The following ATP8B4 variants were observed in gnomAD, a reference collection of about 807,000 sequenced individuals.
The protein encoded by ATP8B4 is probable phospholipid-transporting ATPase IM.
ATP8B4 carries 133 observed loss-of-function variants against 145.6 expected under a neutral mutation model. That is an observed-to-expected ratio of 0.91 (90% confidence interval 0.79 to 1.05). ATP8B4 has a LOEUF of 1.05. ATP8B4 is among the 50% of genes least tolerant of loss of function. The pLI is 0.00. For synonymous variants in ATP8B4, 507 were observed against 492.9 expected (o/e 1.03, Z -0.38); for missense variants, 1,458 against 1,425.2 (o/e 1.02, Z -0.37).
intron 16 of ATP8B4, among the ~76,000 whole-genome samples, chr15:49,927,276 G>A (rs554053000): frequency 2.0e-4 from 30 of 151,996 alleles, no homozygotes; most frequent in African/African-American, 7.3e-4. Context: ...ATACATTGAT[G>A]ATTTAGTGAA....
intron 1 of ATP8B4, among the ~76,000 whole-genome samples, chr15:50,156,115 TATAA>T (rs2044412962): frequency 4.9e-5 from 1 of 20,570 alleles, no homozygotes; most frequent in Non-Finnish European, 1.0e-4. Flanking sequence ...TAAATATATA[TATAA>T]ATATATTTAT....
chr15:50,124,012 G>A (rs2057291346), upstream of ATP8B4, among the ~76,000 whole-genome samples: 1 of 152,132 alleles, frequency 6.6e-6, no homozygotes, highest in Admixed American at 6.6e-5. Flanking sequence ...GCAGGTGACA[G>A]GAGTACAGTA....
At chr15:49,883,776 A>AT (rs1025985420) in intron 23 of ATP8B4, among the ~76,000 whole-genome samples, 2 of 151,972 alleles carry the variant, frequency 1.3e-5, no homozygotes, top group African/African-American at 4.8e-5. Context: ...TGTACCCACA[A>AT]TTTTTTTAAA....
At chr15:49,932,887 A>C (rs1030081135) in intron 15 of ATP8B4, among the ~76,000 whole-genome samples, 3 of 152,040 alleles carry the variant, frequency 2.0e-5, no homozygotes, top group East Asian at 3.9e-4. Flanking sequence ...AACTTGCCTA[A>C]ATAGAACCCT....
intron 7 of ATP8B4, among the ~76,000 whole-genome samples, chr15:50,007,547 G>A (rs1599769048): frequency 2.0e-5 from 3 of 152,338 alleles, no homozygotes; most frequent in Admixed American, 2.0e-4. Context: ...CTAATGTGAG[G>A]ATTAAATGAG....
chr15:49,950,133 T>C (rs980715022), intron 14 of ATP8B4, among the ~76,000 whole-genome samples: 8 of 152,198 alleles, frequency 5.3e-5, no homozygotes, highest in Admixed American at 2.0e-4. Flanking sequence ...TTTTTTGTTG[T>C]GTCTCTTCCT....
chr15:49,980,866 A>T (rs1156544975), intron 11 of ATP8B4, among the ~76,000 whole-genome samples: 1 of 152,222 alleles, frequency 6.6e-6, no homozygotes, highest in African/African-American at 2.4e-5. Flanking sequence ...ACCATAAGCT[A>T]TGTATACAGG....
intron 3 of ATP8B4, among the ~76,000 whole-genome samples, chr15:50,072,797 T>C (rs2053828645): frequency 6.6e-6 from 1 of 150,838 alleles, no homozygotes; most frequent in East Asian, 2.0e-4. Flanking sequence ...AACTTTTGTA[T>C]TTTTAATAGA....
chr15:50,148,158 T>C (rs761444483), intron 1 of ATP8B4, among the ~76,000 whole-genome samples: 16 of 151,996 alleles, frequency 1.1e-4, no homozygotes, highest in African/African-American at 3.9e-4. Flanking sequence ...AATCTAATCA[T>C]GAGGAAACAT....
intron 8 of ATP8B4, among the ~76,000 whole-genome samples, chr15:49,998,914 G>T (rs1297012664): frequency 6.6e-6 from 1 of 152,016 alleles, no homozygotes; most frequent in Non-Finnish European, 1.5e-5. Flanking sequence ...ATTAATTTTT[G>T]TATAAGGTGT....
chr15:49,968,847 A>T (rs1380988680), intron 13 of ATP8B4, among the ~76,000 whole-genome samples: 1 of 152,230 alleles, frequency 6.6e-6, no homozygotes. Flanking sequence ...CATTGCATTT[A>T]TTCTAAACCT....
At chr15:49,902,255 G>A (rs1007849060) in intron 20 of ATP8B4, 2 of 152,180 alleles carry the variant, frequency 1.3e-5, no homozygotes, top group Non-Finnish European at 2.9e-5. Flanking sequence ...ACCAGAAAGT[G>A]AATATTGTGT....
At chr15:50,080,728 T>C (rs1035234630) in intron 2 of ATP8B4, among the ~76,000 whole-genome samples, 18 of 152,210 alleles carry the variant, frequency 1.2e-4, no homozygotes, top group Admixed American at 3.9e-4. Flanking sequence ...CCACCATGTC[T>C]GGCCCCCTGC....
chr15:50,017,939 A>G (rs2153577830), intron 6 of ATP8B4, among the ~76,000 whole-genome samples: 1 of 152,026 alleles, frequency 6.6e-6, no homozygotes, highest in East Asian at 1.9e-4. Context: ...AATGTTTATC[A>G]TCCCTAGTTC....
In ATP8B4 at chr15:50,047,435, A is replaced by G. The variant is rs768087794; in HGVS notation, c.117T>C (p.Asn39=). The G allele has an allele frequency of 3.6e-5, 58 of 1,591,066 alleles. No homozygotes were observed. The African/African-American group carries it at 6.1e-4, about 17-fold the overall frequency. ...AATTAATTGGCAAGAAGGTGAGAAT[A>G]TTATATTTCGATGTGTGGATACGAT... The part of the protein sequence containing the change: ...ADNRIHTSKY[N]ILTFLPINLF... Residue 39 remains asparagine, a synonymous_variant, in exon 4 of 28, where the codon AAT becomes AAC. Transcript: ENST00000284509.
chr15:49,960,831 T>TA (rs1052898201), intron 14 of ATP8B4, among the ~76,000 whole-genome samples: 3 of 151,838 alleles, frequency 2.0e-5, no homozygotes, highest in African/African-American at 7.3e-5. Flanking sequence ...AGAAAATGGG[T>TA]AAAAAAATTA....
At chr15:49,948,064 T>C (rs2042731662) in intron 14 of ATP8B4, among the ~76,000 whole-genome samples, 1 of 152,050 alleles carries the variant, frequency 6.6e-6, no homozygotes, top group African/African-American at 2.4e-5. Flanking sequence ...GTCTCGACAA[T>C]GACTTCTTGC....
At chr15:50,171,413 CCATGCAAATA>C (rs2044672777) in intron 1 of ATP8B4, among the ~76,000 whole-genome samples, 1 of 152,166 alleles carries the variant, frequency 6.6e-6, no homozygotes, top group African/African-American at 2.4e-5. Context: ...ACCTTCAAAA[CCATGCAAATA>C]CATGGAAATT....
chr15:50,008,115 C>A lies in ATP8B4; in HGVS notation c.435+2730G>T, dbSNP rs548195904. Among the ~76,000 whole-genome samples the A allele has an allele frequency of 9.2e-5, 14 of 152,316 alleles. No individual in the cohort carries two copies. The South Asian group carries it at 2.9e-3, about 32-fold the overall frequency. ...CATTGAGCCACAGATGCTGGAAGCTCTAAGTTGCCCTGGCCCTCCCAATAC... is the reference window on the plus strand; with the variant it reads ...CATTGAGCCACAGATGCTGGAAGCTATAAGTTGCCCTGGCCCTCCCAATAC... On this transcript the variant is annotated intron_variant, in intron 7 of 27. Transcript: ENST00000284509.
Sources: allele counts gnomAD v4.1 joint callset (sites outside exome capture counted in the v4.1 genomes callset), GRCh38; gene constraint gnomAD v4.1.1; transcripts MANE v1.5; gene names NCBI Gene and HGNC (gene_info 2026-07-23, HGNC 2026-07-21).